The following TENM4 variants were observed in gnomAD, a reference collection of about 807,000 sequenced individuals.
TENM4 encodes the protein teneurin transmembrane protein 4, also known as teneurin-4.
TENM4 carries 82 observed loss-of-function variants against 243.3 expected under a neutral mutation model. The ratio of observed to expected loss-of-function variants is 0.34; its 90% CI spans 0.28 to 0.40. The LOEUF (loss-of-function observed/expected upper bound fraction) is 0.40. Among genes scored for constraint, TENM4 ranks in the 10% least tolerant of loss-of-function variants. TENM4 has a pLI of 1.00. For missense variants in TENM4, 3,138 were observed against 3,673.3 expected (o/e 0.85, Z 3.77); for synonymous variants, 1,412 against 1,456.3 (o/e 0.97, Z 0.69).
intron 6 of TENM4, among the ~76,000 whole-genome samples, chr11:79,043,806 C>G (rs1859595614): frequency 6.6e-6 from 1 of 152,184 alleles, no homozygotes; most frequent in Non-Finnish European, 1.5e-5. Flanking sequence ...ACCCCCATCT[C>G]TTGCCCCACA....
At chr11:78,892,477 C>G (rs1855690475) in intron 7 of TENM4, among the ~76,000 whole-genome samples, 1 of 152,200 alleles carries the variant, frequency 6.6e-6, no homozygotes. Context: ...TTATGCCACT[C>G]TCTTCCTGTG....
chr11:79,278,669 C>T (rs915480500), intron 2 of TENM4, among the ~76,000 whole-genome samples: 5 of 152,204 alleles, frequency 3.3e-5, no homozygotes, highest in African/African-American at 1.2e-4. Flanking sequence ...TTTCCAGAAA[C>T]CTTTCCTGGA....
chr11:79,229,994 CTT>C (rs60636115), intron 2 of TENM4, among the ~76,000 whole-genome samples: 10,983 of 132,572 alleles, frequency 0.083, 449 homozygotes, highest in South Asian at 0.21. Flanking sequence ...GTTTGGCTAA[CTT>C]TTTTTTTTTT....
At chr11:79,321,306 C>T (rs975573015) in intron 1 of TENM4, among the ~76,000 whole-genome samples, 4 of 152,174 alleles carry the variant, frequency 2.6e-5, no homozygotes, top group Non-Finnish European at 5.9e-5. Flanking sequence ...CATGCATCCC[C>T]CACCACCCCG....
At chr11:78,779,546 C>A (rs1415521123) in intron 16 of TENM4, among the ~76,000 whole-genome samples, 1 of 152,226 alleles carries the variant, frequency 6.6e-6, no homozygotes, top group Non-Finnish European at 1.5e-5. Context: ...GTGTTTAGAG[C>A]AGGGCAGGCC....
chr11:79,318,844 G>A (rs1856843855), intron 1 of TENM4, among the ~76,000 whole-genome samples: 1 of 152,220 alleles, frequency 6.6e-6, no homozygotes, highest in South Asian at 2.1e-4. Flanking sequence ...CCAGTATGAG[G>A]GTCCCCAAAA....
chr11:79,266,468 G>A (rs1269879697), intron 2 of TENM4, among the ~76,000 whole-genome samples: 1 of 152,202 alleles, frequency 6.6e-6, no homozygotes, highest in African/African-American at 2.4e-5. Context: ...TTGAAGAAGA[G>A]GAATGATACA....
In TENM4 at chr11:78,656,272, G is replaced by C. The variant is rs561705452; in HGVS notation, c.*1786C>G. On this transcript the variant is annotated 3_prime_UTR_variant, in exon 34 of 34. Coordinates refer to ENST00000278550, the MANE Select transcript of TENM4 (RefSeq NM_001098816.3). ...CTTATCAGTCCAACAAGGTTTCCAC[G>C]GGGAATAGCTCAGACTCAGAATTCA... The C allele has an allele frequency of 3.9e-5, 6 of 152,312 alleles. No individual in the cohort carries two copies. In the South Asian group the frequency reaches 1.0e-3, roughly 26 times the overall value. 9.4% of individuals were successfully genotyped at this position (152,312 alleles called of 1,614,324 possible).
chr11:78,975,660 C>A (rs902001818), intron 6 of TENM4, among the ~76,000 whole-genome samples: 1 of 151,626 alleles, frequency 6.6e-6, no homozygotes, highest in Non-Finnish European at 1.5e-5. Flanking sequence ...TCAATTTATA[C>A]AGTGGCAAAA....
At chr11:79,133,340 G>A (rs928310451) in intron 4 of TENM4, among the ~76,000 whole-genome samples, 5 of 152,196 alleles carry the variant, frequency 3.3e-5, no homozygotes, top group South Asian at 2.1e-4. Context: ...AACAAGTAGC[G>A]AAACTGCAAT....
intron 2 of TENM4, among the ~76,000 whole-genome samples, chr11:79,232,138 C>T (rs1343686520): frequency 1.3e-5 from 2 of 151,952 alleles, no homozygotes; most frequent in Non-Finnish European, 2.9e-5. Context: ...TAAATAAAAC[C>T]CCACTACTCC....
chr11:79,222,949 C>T (rs752642907), intron 2 of TENM4, among the ~76,000 whole-genome samples: 13 of 151,822 alleles, frequency 8.6e-5, no homozygotes, highest in South Asian at 2.1e-4. Context: ...AACACATGAA[C>T]GCAGGGAGGG....
chr11:78,790,606 T>G (rs1460502002), intron 15 of TENM4, among the ~76,000 whole-genome samples: 1 of 152,210 alleles, frequency 6.6e-6, no homozygotes, highest in East Asian at 1.9e-4. Context: ...TATGAGAACA[T>G]TCTATGAGGT....
rs78031414 is a variant in TENM4, at chr11:78,767,122, A to T, written c.2539+3870T>A. 9.7e-3 allele frequency among the ~76,000 whole-genome samples: 1,476 copies of T among 152,338 alleles called. 11 individuals are homozygous for T. The highest frequency in any genetic ancestry group is 0.017 in the Middle Eastern group (5 of 294). ...GAGATCTTAGATAACTTGAAGGGCT[A>T]CAGGGATCTACAATGGGCCATATGT... is the stretch of plus-strand genomic sequence containing the variant. On this transcript the variant is annotated intron_variant, in intron 18 of 33. Transcript: ENST00000278550.
intron 2 of TENM4, among the ~76,000 whole-genome samples, chr11:79,279,982 T>TGTTCCCTCTGCC (rs982480067): frequency 6.6e-6 from 1 of 152,124 alleles, no homozygotes; most frequent in Non-Finnish European, 1.5e-5. Flanking sequence ...TTGCCTCTTC[T>TGTTCCCTCTGCC]GTTCCCTCTG....
intron 6 of TENM4, among the ~76,000 whole-genome samples, chr11:78,933,601 T>C (rs1420311799): frequency 6.6e-6 from 1 of 152,136 alleles, no homozygotes; most frequent in Non-Finnish European, 1.5e-5. Context: ...TTCTGCAACA[T>C]CTAAACCTGG....
intron 2 of TENM4, among the ~76,000 whole-genome samples, chr11:79,274,332 G>T (rs1856017579): frequency 6.6e-6 from 1 of 152,246 alleles, no homozygotes; most frequent in Admixed American, 6.5e-5. Context: ...GATTTGCAAA[G>T]GCTGAGATGA....
intron 1 of TENM4, among the ~76,000 whole-genome samples, chr11:79,411,527 A>AC (rs1858700805): frequency 6.6e-6 from 1 of 152,182 alleles, no homozygotes. Flanking sequence ...CACTTAGGCT[A>AC]CACCACCCTC....
intron 15 of TENM4, among the ~76,000 whole-genome samples, chr11:78,789,684 G>A (rs538315529): frequency 5.9e-5 from 9 of 152,210 alleles, no homozygotes; most frequent in Non-Finnish European, 7.3e-5. Flanking sequence ...TGAGCCAGGA[G>A]AGGGGCGGGC....
Sources: allele counts gnomAD v4.1 joint callset (sites outside exome capture counted in the v4.1 genomes callset), GRCh38; gene constraint gnomAD v4.1.1; transcripts MANE v1.5; gene names NCBI Gene and HGNC (gene_info 2026-07-23, HGNC 2026-07-21).